Variants in ROBO2 observed in about 807,000 individuals in gnomAD.
ROBO2 encodes the protein roundabout homolog 2.
Under a neutral mutation model 160.8 loss-of-function variants are expected in ROBO2, and 53 were observed. The observed-to-expected ratio is 0.33, with a 90% CI of 0.26 to 0.41. The LOEUF is 0.41. ROBO2 is among the 10% of genes least tolerant of loss of function. The pLI is 1.00. For synonymous variants in ROBO2, 664 were observed against 611.7 expected, an observed-to-expected ratio of 1.09 and a Z score of -1.26; for missense variants, 1,577 against 1,722.4, an observed-to-expected ratio of 0.92 and a Z score of 1.49.
At chr3:76,312,396 C>G (rs570527905) in intron 2 of ROBO2, among the ~76,000 whole-genome samples, 17 of 152,100 alleles carry the variant, frequency 1.1e-4, no homozygotes, top group Non-Finnish European at 2.4e-4. Context: ...GCAGGATTTT[C>G]TAAATACCCA....
intron 2 of ROBO2, among the ~76,000 whole-genome samples, chr3:76,719,690 C>G (rs2093434930): frequency 6.6e-6 from 1 of 152,046 alleles, no homozygotes; most frequent in Non-Finnish European, 1.5e-5. Context: ...TTGAGACCAG[C>G]CTGGCCAACA....
intron 2 of ROBO2, among the ~76,000 whole-genome samples, chr3:76,667,251 C>T (rs969521836): frequency 6.6e-6 from 1 of 152,016 alleles, no homozygotes; most frequent in Non-Finnish European, 1.5e-5. Flanking sequence ...ACTGTGGAAA[C>T]CCTAAGAACT....
At chr3:77,246,776 A>G (rs1222111237) in intron 2 of ROBO2, among the ~76,000 whole-genome samples, 1 of 152,204 alleles carries the variant, frequency 6.6e-6, no homozygotes, top group Non-Finnish European at 1.5e-5. Flanking sequence ...GTGGACAATG[A>G]TTTTAATTAA....
intron 4 of ROBO2, among the ~76,000 whole-genome samples, chr3:77,492,282 T>A (rs1305897889): frequency 1.3e-5 from 2 of 152,206 alleles, no homozygotes; most frequent in Non-Finnish European, 2.9e-5. Context: ...ATTTTTCCAG[T>A]CTCAGACCAT....
intron 2 of ROBO2, among the ~76,000 whole-genome samples, chr3:76,001,060 GTTGT>G (rs1276550305): frequency 2.6e-5 from 4 of 152,008 alleles, no homozygotes; most frequent in East Asian, 1.9e-4. Context: ...GCAGGGGTAT[GTTGT>G]TTGTTTGTAT....
chr3:76,814,971 A>T (rs1420245139), intron 2 of ROBO2, among the ~76,000 whole-genome samples: 1 of 152,076 alleles, frequency 6.6e-6, no homozygotes, highest in Admixed American at 6.6e-5. Context: ...TCATGCATCC[A>T]AGGAGCTTAC....
At chr3:77,050,671 G>C (rs1462462656) in intron 1 of ROBO2, among the ~76,000 whole-genome samples, 1 of 99,808 alleles carries the variant, frequency 1.0e-5, no homozygotes, top group African/African-American at 3.7e-5. Flanking sequence ...TTTTTTTTTT[G>C]CATTGTAATT....
At chr3:77,244,015 G>A (rs1034945772) in intron 2 of ROBO2, among the ~76,000 whole-genome samples, 11 of 152,136 alleles carry the variant, frequency 7.2e-5, no homozygotes, top group Non-Finnish European at 1.6e-4. Context: ...ATTGCTTCTT[G>A]GTATCAAGTA....
At chr3:77,211,031 T>C (rs1231277988) in intron 2 of ROBO2, among the ~76,000 whole-genome samples, 6 of 152,212 alleles carry the variant, frequency 3.9e-5, no homozygotes, top group African/African-American at 4.8e-5. Flanking sequence ...CTATCGTGAA[T>C]AGTGCCGCAA....
At chr3:76,477,112 A>G (rs1185025877) in intron 2 of ROBO2, among the ~76,000 whole-genome samples, 1 of 152,122 alleles carries the variant, frequency 6.6e-6, no homozygotes, top group Non-Finnish European at 1.5e-5. Flanking sequence ...AAAATAAACC[A>G]CAGGAATCAT....
rs548792257 is a variant in ROBO2, at chr3:76,490,444, G to A, written c.109+552842G>A. 5.3e-5 allele frequency among the ~76,000 whole-genome samples: 8 copies of A among 152,182 alleles called. No individual in the cohort carries two copies. The South Asian group carries it at 8.3e-4, about 16-fold the overall frequency. On this transcript the variant is annotated intron_variant, in intron 2 of 26. Transcript: ENST00000487694. ...TTTCCTAGTGTTAGTAGTGTCTATC[G>A]TTAGTAAGTTTTAATAGCAAAGCGA...
At chr3:77,614,747 AAC>A (rs1559731503) in intron 21 of ROBO2, among the ~76,000 whole-genome samples, 2,295 of 149,950 alleles carry the variant, frequency 0.015, 58 homozygotes, top group African/African-American at 0.053. Context: ...CCAACCAACC[AAC>A]CAACCAAACA....
chr3:75,986,797 C>G (rs764771649), intron 2 of ROBO2, among the ~76,000 whole-genome samples: 7 of 151,454 alleles, frequency 4.6e-5, no homozygotes, highest in Non-Finnish European at 7.4e-5. Context: ...ATCCCACCAT[C>G]TTTTTTTATT....
intron 2 of ROBO2, among the ~76,000 whole-genome samples, chr3:77,120,133 T>C (rs1434122475): frequency 6.6e-6 from 1 of 152,222 alleles, no homozygotes; most frequent in African/African-American, 2.4e-5. Flanking sequence ...GTTAGCATCA[T>C]GATGACCGAT....
At chr3:76,058,637 T>G (rs896952895) in intron 2 of ROBO2, among the ~76,000 whole-genome samples, 9 of 144,360 alleles carry the variant, frequency 6.2e-5, no homozygotes, top group Non-Finnish European at 1.2e-4. Flanking sequence ...GCAAGATTGT[T>G]TCCTTGCCTT....
chr3:77,061,295 CA>C (rs1268423957), intron 1 of ROBO2, among the ~76,000 whole-genome samples: 1 of 152,122 alleles, frequency 6.6e-6, no homozygotes, highest in Admixed American at 6.5e-5. Flanking sequence ...GCTATAATTG[CA>C]AGGCCATTAA....
At chr3:77,293,846 G>C (rs1439998003) in intron 2 of ROBO2, among the ~76,000 whole-genome samples, 1 of 119,262 alleles carries the variant, frequency 8.4e-6, no homozygotes, top group Non-Finnish European at 1.7e-5. Context: ...TAAACGGGTA[G>C]GCTGAGGCTA....
intron 2 of ROBO2, among the ~76,000 whole-genome samples, chr3:77,165,972 A>G (rs953152636): frequency 1.3e-5 from 2 of 152,202 alleles, no homozygotes; most frequent in Non-Finnish European, 2.9e-5. Context: ...GCTGAAGTCT[A>G]TCTCTCTCTG....
rs113941887 is a variant in ROBO2 at position 76,867,895 on chromosome 3, A to G, written c.110-230119A>G. On this transcript the variant is annotated intron_variant, in intron 2 of 26. Transcript: ENST00000487694. ...TTACCAGTAATACTTGAGGCAAATG[A>G]TCAAAATATCAGGTATGCATTTCAT... Among the ~76,000 whole-genome samples the G allele has an allele frequency of 8.6e-3, 1,313 of 152,272 alleles. 13 individuals are homozygous for G. Among genetic ancestry groups the G allele is most frequent in the African/African-American group, 0.031 (1,273 of 41,548 alleles).
Sources: gnomAD v4.1 joint callset for allele counts (sites outside exome capture counted in the v4.1 genomes callset) on GRCh38, gnomAD v4.1.1 for gene constraint, MANE v1.5 for transcripts, NCBI Gene and HGNC (gene_info 2026-07-23, HGNC 2026-07-21) for gene names.